STRIP1: variants seen among roughly 807,000 people sequenced by gnomAD.
STRIP1 encodes the protein striatin-interacting protein 1.
A neutral mutation model predicts 106.2 loss-of-function variants in STRIP1; 63 were observed. That is an observed-to-expected ratio of 0.59 (90% CI 0.48 to 0.73). The LOEUF is 0.73. Ranked by LOEUF, STRIP1 falls within the 30% of genes least tolerant of loss-of-function variation. The pLI is 0.00. For synonymous variants in STRIP1, 390 were observed against 413.0 expected (o/e 0.94, Z 0.67); for missense variants, 857 against 1,074.8 (o/e 0.80, Z 2.83).
intron 20 of STRIP1, among the ~76,000 whole-genome samples, chr1:110,052,730 A>G (rs1281653298): frequency 1.3e-5 from 2 of 152,010 alleles, no homozygotes; most frequent in African/African-American, 4.8e-5. Flanking sequence ...TCGGCCTCCC[A>G]AAGTGCTGGG....
At position 110,050,959 on chromosome 1, in the gene STRIP1, G is replaced by A. The variant is rs201161880; in HGVS notation, c.1960G>A (p.Ala654Thr). 2 of 1,592,550 alleles carry A rather than the reference G, an allele frequency of 1.3e-6. No homozygotes were observed. Among genetic ancestry groups the A allele is most frequent in the South Asian group, 2.2e-5 (2 of 90,632 alleles). Residue 654 changes from alanine to threonine, a missense_variant, in exon 19 of 21, where the codon GCA (alanine) becomes ACA (threonine). Physicochemically the swap from Ala to Thr is moderately conservative, Grantham distance 58 (BLOSUM62 0). Around this residue, in one of 2 missense-constraint regions of STRIP1, gnomAD observed 750 missense variants for 989.8 expected, o/e 0.76. Transcript: ENST00000369795. Reference sequence around the variant, plus strand: ...TGTTCCTGGGTTTACCCTGCAGGAAGCAGGTGACAGTAACCAATTTTGCTG... The same window carrying A: ...TGTTCCTGGGTTTACCCTGCAGGAAACAGGTGACAGTAACCAATTTTGCTG... Reference protein sequence around the residue: ...LPELTAESLEAGDSNQFCWRN... With the variant: ...LPELTAESLETGDSNQFCWRN...
In STRIP1 at chr1:110,049,462, T is replaced by C. The variant is rs1462019519; in HGVS notation, c.1791T>C (p.Phe597=). The C allele has an allele frequency of 1.2e-6, 2 of 1,602,664 alleles. No homozygotes were observed. Among genetic ancestry groups the C allele is most frequent in the African/African-American group, 2.7e-5 (2 of 73,898 alleles). ...TTTTTTTTTCCTGTTGGCTTCAGTT[T>C]GAATACATGGCCCAGCACCTGGTGT... ...KHFKLNHVYQ[F]EYMAQHLVFA... is the part of the protein sequence containing the mutation. Residue 597 remains phenylalanine (F), a splice_region_variant and synonymous_variant, in exon 17 of 21, where the codon TTT becomes TTC. Coordinates refer to ENST00000369795, the MANE Select transcript of STRIP1 (RefSeq NM_033088.4).
At chr1:110,038,086 A>ATATATATATATATATATATGTG (rs1652556151) in intron 2 of STRIP1, 126 bp downstream of exon 2, 2 of 152,674 alleles carry the variant, frequency 1.3e-5, no homozygotes, top group African/African-American at 6.1e-5. Flanking sequence ...ATATATATAT[A>ATATATATATATATATATATGTG]TATATATATA....
Position 110,041,589 on chromosome 1 carries a change from A to G in STRIP1, c.704A>G (p.Glu235Gly). The G allele has an allele frequency of 4.3e-6, 7 of 1,614,120 alleles. No homozygotes were observed. Among genetic ancestry groups the G allele is most frequent in the Non-Finnish European group, 5.9e-6 (7 of 1,180,018 alleles). Reference sequence around the variant, plus strand: ...GTGGAGACCGTTCATCAGGAGTGTGAGGGTGACAAGGCTGAGTGGAGGACC... The same window carrying G: ...GTGGAGACCGTTCATCAGGAGTGTGGGGGTGACAAGGCTGAGTGGAGGACC... ...LIVETVHQEC[E>G]GDKAEWRTMR... Residue 235 changes from glutamate (E) to glycine (G), a missense_variant, in exon 7 of 21, where the codon GAG (glutamate) becomes GGG (glycine). Coordinates refer to ENST00000369795, the MANE Select transcript of STRIP1 (RefSeq NM_033088.4).
At chr1:110,038,521 G>A (rs139097698) in intron 2 of STRIP1, among the ~76,000 whole-genome samples, 162 bp from the exon 3 acceptor site, 1 of 152,278 alleles carries the variant, frequency 6.6e-6, no homozygotes, top group East Asian at 1.9e-4. Flanking sequence ...GCACATCAGA[G>A]CACTAAGATC....
chr1:110,045,134 A>C (rs375723258), intron 12 of STRIP1, 56 bp downstream of exon 12: 170 of 1,528,230 alleles, frequency 1.1e-4, no homozygotes, highest in East Asian at 2.3e-5. Context: ...GTAGAGTGAA[A>C]CCAGCCTGTA....
intron 1 of STRIP1, 87 bp from the exon 2 acceptor site, chr1:110,037,804 C>T: frequency 1.1e-6 from 1 of 922,174 alleles, no homozygotes; most frequent in Non-Finnish European, 1.8e-6. Flanking sequence ...GCAGTGGTGT[C>T]CTGTAACACA....
In STRIP1 at chr1:110,044,845, A is replaced by G; in HGVS notation, c.1292A>G (p.Lys431Arg). Residue 431 changes from lysine (K) to arginine (R), a missense_variant, in exon 11 of 21, where the codon AAA becomes AGA. Transcript: ENST00000369795. The stretch of plus-strand genomic sequence containing the variant: ...CTTTTTTGGTGATGTGGCAGAGAGA[A>G]AGACATTGAGATGTTCCTTGAGTCC... ...GLPWAPKVRE[K>R]DIEMFLESSR... is the part of the protein sequence containing the mutation. 3 of 1,614,172 alleles carry G rather than the reference A, an allele frequency of 1.9e-6. No individual in the cohort carries two copies. Among genetic ancestry groups the G allele is most frequent in the Admixed American group, 1.7e-5 (1 of 60,022 alleles).
intron 17 of STRIP1, chr1:110,050,022 A>G: frequency 2.6e-6 from 1 of 384,328 alleles, no homozygotes; most frequent in Non-Finnish European, 4.7e-6. Context: ...TGTCTCCAGA[A>G]AGGTTTGGCA....
In STRIP1 at chr1:110,051,857, C is replaced by T. The variant is rs1378097932; in HGVS notation, c.2236C>T (p.Arg746Trp). Residue 746 changes from arginine (R) to tryptophan (W), a missense_variant, in exon 20 of 21, where the codon CGG (arginine) becomes TGG (tryptophan). Transcript: ENST00000369795. ...MSAIYQKVRH[R>W]LNDDWAYGND... ...TGCCATCTACCAGAAGGTGCGGCAT[C>T]GGCTGAACGACGACTGGGCATACGG... The T allele has an allele frequency of 1.1e-5, 18 of 1,612,682 alleles. No homozygotes were observed. Among genetic ancestry groups the T allele is most frequent in the South Asian group, 2.2e-5 (2 of 91,022 alleles).
chr1:110,040,867 C>T (rs1176171705), intron 6 of STRIP1, among the ~76,000 whole-genome samples, 164 bp downstream of exon 6: 2 of 152,154 alleles, frequency 1.3e-5, no homozygotes, highest in African/African-American at 4.8e-5. Flanking sequence ...CTGCTGAGGG[C>T]TCGTCCTAGG....
Position 110,049,774 on chromosome 1 carries a change from G to A in STRIP1, c.1889+214G>A, listed in dbSNP as rs140941434. On this transcript the variant is annotated intron_variant, in intron 17 of 20. Coordinates refer to ENST00000369795, the MANE Select transcript of STRIP1 (RefSeq NM_033088.4). ...AGTCCTGCCCCAGGTGACTTGGTCT[G>A]TGCCTGGGCAGGAGGGTTTTCATCC... 2.3e-3 allele frequency: 1,209 copies of A among 530,112 alleles called. 37 individuals carry two copies. The Admixed American group carries it at 0.039, about 17-fold the overall frequency. 32.8% of individuals were successfully genotyped at this position (530,112 alleles called of 1,614,324 possible). A position where few individuals can be genotyped will look rare whatever the true frequency, so the allele number is the denominator to read the frequency against.
chr1:110,044,974 T>C (rs1337582640), intron 11 of STRIP1, 41 bp from the exon 12 acceptor site: 5 of 1,613,650 alleles, frequency 3.1e-6, no homozygotes, highest in Non-Finnish European at 4.2e-6. Context: ...CCCAGGTGAT[T>C]TGATGTCGAG....
At chr1:110,034,608 G>T, upstream of STRIP1, 1 of 1,480,922 alleles carries the variant, frequency 6.8e-7, no homozygotes, top group South Asian at 1.3e-5. Context: ...GGCTGTGCGC[G>T]AGTTAAGCTG....
At chr1:110,044,002 C>T (rs775829115) in intron 10 of STRIP1, 146 bp downstream of exon 10, 33 of 751,400 alleles carry the variant, frequency 4.4e-5, no homozygotes, top group Non-Finnish European at 5.5e-5. Flanking sequence ...TTAAAGCACC[C>T]TGTGCTGTCC....
intron 1 of STRIP1, among the ~76,000 whole-genome samples, chr1:110,035,599 C>T (rs1470181353): frequency 1.3e-5 from 2 of 152,106 alleles, no homozygotes; most frequent in Non-Finnish European, 2.9e-5. Context: ...CCTCCCACTG[C>T]CTCCTTTTGC....
Position 110,039,469 on chromosome 1 carries a change from G to A in STRIP1, c.535G>A (p.Val179Met), listed in dbSNP as rs911093831. 6.2e-7 allele frequency: 1 copy of A among 1,611,896 alleles called. No homozygotes were observed. The highest frequency in any genetic ancestry group is 8.5e-7 in the Non-Finnish European group (1 of 1,179,112). Residue 179 changes from valine (V) to methionine (M), a missense_variant, in exon 5 of 21, where the codon GTG (valine) becomes ATG (methionine). Val to Met is a conservative substitution (Grantham distance 21). Around this residue, in one of 2 missense-constraint regions of STRIP1, gnomAD observed 750 missense variants for 989.8 expected, o/e 0.76. Transcript: ENST00000369795. The part of the protein sequence containing the change: ...MRYNIFLLLE[V>M]GTFNALVELL... Reference sequence around the variant, plus strand: ...CTACAACATCTTTCTCCTCCTGGAGGTGGGCACGTTCAATGCTTTGGTGGA... The same window carrying A: ...CTACAACATCTTTCTCCTCCTGGAGATGGGCACGTTCAATGCTTTGGTGGA...
At chr1:110,048,571 T>A (rs1274642939) in intron 15 of STRIP1, among the ~76,000 whole-genome samples, 1 of 152,224 alleles carries the variant, frequency 6.6e-6, no homozygotes. Flanking sequence ...CACTAGGCCA[T>A]CATGTGATGG....
intron 2 of STRIP1, 151 bp downstream of exon 2, chr1:110,038,111 T>TATATATATATATATATATATAC (rs1412174294): frequency 6.1e-5 from 9 of 148,310 alleles, no homozygotes; most frequent in African/African-American, 2.6e-4. Context: ...TATATATATA[T>TATATATATATATATATATATAC]ATGTATAAAA....
Sources: gnomAD v4.1 joint callset for allele counts (sites outside exome capture counted in the v4.1 genomes callset) on GRCh38, gnomAD v4.1.1 for gene constraint, gnomAD v4.1.1 regional missense constraint, MANE v1.5 for transcripts, NCBI Gene and HGNC (gene_info 2026-07-23, HGNC 2026-07-21) for gene names.